Variants in TEAD2 observed in about 807,000 individuals in gnomAD.
The protein encoded by TEAD2 is TEA domain transcription factor 2, also known as transcriptional enhancer factor TEF-4.
A neutral mutation model predicts 61.4 loss-of-function variants in TEAD2; 51 were observed. The ratio of observed to expected loss-of-function variants is 0.83; its 90% CI spans 0.66 to 1.05. The LOEUF (loss-of-function observed/expected upper bound fraction) is 1.05, where lower values mean the gene tolerates loss of function less well. Ranked by LOEUF, TEAD2 falls within the 50% of genes least tolerant of loss-of-function variation. TEAD2 has a pLI of 0.00. For synonymous variants in TEAD2, 244 were observed against 243.2 expected (o/e 1.00, Z -0.03); for missense variants, 509 against 600.0 (o/e 0.85, Z 1.58).
intron 10 of TEAD2, 75 bp downstream of exon 10, chr19:49,347,115 T>G: frequency 6.4e-7 from 1 of 1,566,622 alleles, no homozygotes; most frequent in Non-Finnish European, 8.7e-7. Flanking sequence ...CGCGACAGAT[T>G]CTCTCAGGGC....
chr19:49,343,243 C>T lies in TEAD2; in HGVS notation c.1077G>A (p.Val359=). Reference sequence around the variant, plus strand: ...CCTCCAGCCTCACCTCCACCTTCTCCACCACCTGCTTGCCAAAAGAGCAGA... The same window carrying T: ...CCTCCAGCCTCACCTCCACCTTCTCTACCACCTGCTTGCCAAAAGAGCAGA... ...SKVCSFGKQV[V]EKVETERAQL... is the part of the protein sequence containing the mutation. Residue 359 remains valine, a synonymous_variant, in exon 11 of 13, where the codon GTG becomes GTA. Coordinates refer to ENST00000593945, the MANE Select transcript of TEAD2 (RefSeq NM_001256660.2). 1.9e-6 allele frequency: 3 copies of T among 1,611,428 alleles called. No homozygotes were observed. Among genetic ancestry groups the T allele is most frequent in the Non-Finnish European group, 2.5e-6 (3 of 1,178,586 alleles).
intron 7 of TEAD2, among the ~76,000 whole-genome samples, chr19:49,353,571 TC>T (rs1253558326): frequency 6.6e-6 from 1 of 151,874 alleles, no homozygotes; most frequent in African/African-American, 2.4e-5. Context: ...AACGCTCATT[TC>T]CCCCATTTGA....
At position 49,348,832 on chromosome 19, in the gene TEAD2, G is replaced by A. The variant is rs1242326032; in HGVS notation, c.618C>T (p.Pro206=). The A allele has an allele frequency of 6.4e-7, 1 of 1,573,660 alleles. No homozygotes were observed. The highest frequency in any genetic ancestry group is 8.6e-7 in the Non-Finnish European group (1 of 1,164,506). ...GTGGGGGCAGGGGTGAGAGGGCTTG[G>A]GGGGGCTCGTACCCTAGAGAGAGAG... is the stretch of plus-strand genomic sequence containing the variant. ...PSTDLPGYEP[P]QALSPLPPPT... is the part of the protein sequence containing the mutation. The change falls in exon 9 of 13, where the codon CCC becomes CCT. Residue 206 remains proline, a synonymous_variant. Transcript: ENST00000593945.
At chr19:49,356,291 A>T (rs1355309022) in intron 4 of TEAD2, 3 of 247,048 alleles carry the variant, frequency 1.2e-5, no homozygotes, top group African/African-American at 4.5e-5. Context: ...ATCCAGACAG[A>T]ACAGACAGGG....
rs1233705606 is a variant in TEAD2, at chr19:49,341,032, TCTCA to T, written c.*288_*291del. On this transcript the variant is annotated 3_prime_UTR_variant, in exon 13 of 13. Transcript: ENST00000593945. The surrounding 1 kb of genome is among the most constrained non-coding windows in gnomAD (Gnocchi z 4.2). ...AGCCAGTGCTGTACCTGGGGGGTTG[TCTCA>T]CTCCTGTCCCCACAATCCCTGATAC... is the stretch of plus-strand genomic sequence containing the variant. 1.2e-5 allele frequency: 4 copies of T among 324,678 alleles called. No homozygotes were observed. Among genetic ancestry groups the T allele is most frequent in the Non-Finnish European group, 2.3e-5 (4 of 171,980 alleles). The allele number at this position is 324,678 out of a possible 1,614,324, so 20.1% of individuals were successfully genotyped here.
intron 3 of TEAD2, chr19:49,357,804 T>C (rs1231359298): frequency 5.7e-6 from 1 of 174,800 alleles, no homozygotes; most frequent in African/African-American, 2.3e-5. Flanking sequence ...TCACACAAGA[T>C]CTGGTTGTTT....
intron 7 of TEAD2, among the ~76,000 whole-genome samples, chr19:49,354,323 G>A (rs1209245360): frequency 1.3e-5 from 2 of 151,714 alleles, no homozygotes; most frequent in African/African-American, 4.8e-5. Context: ...GGGCAACATA[G>A]CAAGACCCCC....
At chr19:49,352,549 T>C (rs1181037872) in intron 7 of TEAD2, among the ~76,000 whole-genome samples, 10 of 152,112 alleles carry the variant, frequency 6.6e-5, no homozygotes, top group Admixed American at 1.3e-4. Context: ...GCTCTATTTT[T>C]TTTTGAGACA....
chr19:49,346,415 G>C (rs1971645715), intron 10 of TEAD2, among the ~76,000 whole-genome samples: 1 of 152,014 alleles, frequency 6.6e-6, no homozygotes, highest in Non-Finnish European at 1.5e-5. Context: ...CCAGCACTTT[G>C]GGAGGCCAAG....
intron 8 of TEAD2, 22 bp from the exon 9 acceptor site, chr19:49,348,867 C>A: frequency 6.7e-7 from 1 of 1,490,652 alleles, no homozygotes; most frequent in Non-Finnish European, 8.9e-7. Flanking sequence ...GAAGAAAGAA[C>A]AATACAAATT....
chr19:49,340,982 T>G lies in TEAD2; in HGVS notation c.*342A>C. ...TCCAAGACATGCAGAGGAGTGGGGG[T>G]GGCCTGTCAGGGGCTGAAAAGAAAA... On this transcript the variant is annotated 3_prime_UTR_variant, in exon 13 of 13. Coordinates refer to ENST00000593945, the MANE Select transcript of TEAD2 (RefSeq NM_001256660.2). 2 of 223,842 alleles carry G rather than the reference T, an allele frequency of 8.9e-6. No homozygotes were observed. The highest frequency in any genetic ancestry group is 1.8e-5 in the Non-Finnish European group (2 of 111,904). The allele number at this position is 223,842 out of a possible 1,614,324, so 13.9% of individuals were successfully genotyped here.
Position 49,347,237 on chromosome 19 carries a change from G to C in TEAD2, c.874C>G (p.Leu292Val). 6.2e-7 allele frequency: 1 copy of C among 1,614,144 alleles called. No homozygotes were observed. Among genetic ancestry groups the C allele is most frequent in the Non-Finnish European group, 8.5e-7 (1 of 1,180,036 alleles). Residue 292 changes from leucine (L) to valine (V), a missense_variant, in exon 10 of 13, where the codon CTA becomes GTA. Leu to Val is a conservative substitution (Grantham distance 32). Transcript: ENST00000593945. ...GCATGGGGGGGGCCACGATCATATA[G>C]CTCTCGGAGGCCACCCTTTTTCTCA... is the stretch of plus-strand genomic sequence containing the variant. The part of the protein sequence containing the change: ...FPEKKGGLRE[L>V]YDRGPPHAFF...
chr19:49,355,304 T>C lies in TEAD2; in HGVS notation c.480+8A>G, dbSNP rs1972313918. ...CCCCCACGTCCCACAATCCCCAACC[T>C]GGACCACCTGAGGACCAGTGGGACC... is the stretch of plus-strand genomic sequence containing the variant. On this transcript the variant is annotated splice_region_variant and intron_variant, in intron 6 of 12. Coordinates refer to ENST00000593945, the MANE Select transcript of TEAD2 (RefSeq NM_001256660.2). 1 of 1,614,000 alleles carries C rather than the reference T, an allele frequency of 6.2e-7. No individual in the cohort carries two copies. Among genetic ancestry groups the C allele is most frequent in the Non-Finnish European group, 8.5e-7 (1 of 1,180,026 alleles).
rs748682169 is a variant in TEAD2 at position 49,341,887 on chromosome 19, C to T, written c.1243-450G>A. Among the ~76,000 whole-genome samples the T allele has an allele frequency of 2.0e-5, 3 of 152,042 alleles. No homozygotes were observed. Among genetic ancestry groups the T allele is most frequent in the African/African-American group, 7.2e-5 (3 of 41,388 alleles). ...TCAGCTTCACCAGGGAAGGAGGGAC[C>T]CACCTTATGTGCGAGTGCTGTGGGG... On this transcript the variant is annotated intron_variant, in intron 12 of 12. Transcript: ENST00000593945. The surrounding 1 kb of genome is among the most constrained non-coding windows in gnomAD (Gnocchi z 4.2).
At chr19:49,355,282 C>G (rs1187092436) in intron 6 of TEAD2, 30 bp downstream of exon 6, 1 of 1,613,890 alleles carries the variant, frequency 6.2e-7, no homozygotes. Flanking sequence ...CCCTTTGCCC[C>G]CACGTCCCAC....
chr19:49,348,897 A>G lies in TEAD2; in HGVS notation c.605-52T>C, dbSNP rs1470343173. 4 of 1,446,624 alleles carry G rather than the reference A, an allele frequency of 2.8e-6. No individual in the cohort carries two copies. In the Admixed American group the frequency reaches 9.0e-5, roughly 33 times the overall value. The allele number at this position is 1,446,624 out of a possible 1,614,324, so 89.6% of individuals were successfully genotyped here. ...CAAATTGCTAACATTTATGGAATATATCAGGTACTGTTGTCTCTTGCCTGC... is the reference window on the plus strand; with the variant it reads ...CAAATTGCTAACATTTATGGAATATGTCAGGTACTGTTGTCTCTTGCCTGC... On this transcript the variant is annotated intron_variant, in intron 8 of 12. Coordinates refer to ENST00000593945, the MANE Select transcript of TEAD2 (RefSeq NM_001256660.2).
rs765084002 is a variant in TEAD2 at position 49,348,819 on chromosome 19, G to T, written c.631C>A (p.Pro211Thr). ...GGCGATGGGGTAGGTGGGGGCAGGG[G>T]TGAGAGGGCTTGGGGGGGCTCGTAC... ...PGYEPPQALS[P>T]LPPPTPSPPA... Residue 211 changes from proline (P) to threonine (T), a missense_variant, in exon 9 of 13, where the codon CCC becomes ACC. Physicochemically the swap from Pro to Thr is conservative, Grantham distance 38. Transcript: ENST00000593945. The T allele has an allele frequency of 1.3e-6, 2 of 1,591,578 alleles. No homozygotes were observed. The highest frequency in any genetic ancestry group is 2.3e-5 in the South Asian group (2 of 88,604).
At chr19:49,343,678 C>A (rs551072128) in intron 10 of TEAD2, among the ~76,000 whole-genome samples, 47 of 151,018 alleles carry the variant, frequency 3.1e-4, no homozygotes, top group African/African-American at 1.1e-3. Flanking sequence ...GCAGAGGTTG[C>A]GGTGAGCCGA....
In TEAD2 at chr19:49,359,305, C is replaced by A; in HGVS notation, c.297+130G>T. 2 of 783,976 alleles carry A rather than the reference C, an allele frequency of 2.6e-6. No homozygotes were observed. The highest frequency in any genetic ancestry group is 3.1e-5 in the South Asian group (2 of 64,762). 48.6% of individuals were successfully genotyped at this position (783,976 alleles called of 1,614,324 possible). ...CTTTATAGCAATACAAACGGACTAA[C>A]ACACATGCCGAGAAGACAGATGAAC... On this transcript the variant is annotated intron_variant, in intron 3 of 12. Transcript: ENST00000593945. This position sits in a 1 kb window ranked among gnomAD's most constrained non-coding sequence, Gnocchi z 4.1.
Sources: allele counts gnomAD v4.1 joint callset (sites outside exome capture counted in the v4.1 genomes callset), GRCh38; gene constraint gnomAD v4.1.1; non-coding constraint Gnocchi (gnomAD v3.1); transcripts MANE v1.5; gene names NCBI Gene and HGNC (gene_info 2026-07-23, HGNC 2026-07-21).